The following TWSG1 variants were observed in gnomAD, a reference collection of about 807,000 sequenced individuals.
The protein encoded by TWSG1 is twisted gastrulation BMP signaling modulator 1, also known as twisted gastrulation protein homolog 1.
A neutral mutation model predicts 23.0 loss-of-function variants in TWSG1; 15 were observed. That is an observed-to-expected ratio of 0.65 (90% CI 0.44 to 1.00). TWSG1 has a LOEUF of 1.00. Among genes scored for constraint, TWSG1 ranks in the 50% least tolerant of loss-of-function variants. TWSG1 has a pLI of 0.00. For missense variants in TWSG1, 242 were observed against 278.7 expected, an observed-to-expected ratio of 0.87 and a Z score of 0.94; for synonymous variants, 86 against 92.8, an observed-to-expected ratio of 0.93 and a Z score of 0.42.
intron 2 of TWSG1, among the ~76,000 whole-genome samples, chr18:9,352,526 G>A (rs1423683478): frequency 6.6e-6 from 1 of 152,158 alleles, no homozygotes; most frequent in African/African-American, 2.4e-5. Flanking sequence ...GGAAAATCCA[G>A]GAACACCATT....
intron 1 of TWSG1, among the ~76,000 whole-genome samples, chr18:9,335,866 A>G (rs951238506): frequency 2.0e-5 from 3 of 152,184 alleles, no homozygotes; most frequent in Non-Finnish European, 4.4e-5. Context: ...AAATGCCCCC[A>G]TAAACTCACT....
intron 3 of TWSG1, among the ~76,000 whole-genome samples, chr18:9,377,233 TG>T (rs1181090322): frequency 6.6e-6 from 1 of 151,122 alleles, no homozygotes; most frequent in Non-Finnish European, 1.5e-5. Context: ...TTTTTTTTTT[TG>T]GGGGGACAGA....
intron 2 of TWSG1, among the ~76,000 whole-genome samples, chr18:9,342,719 A>G (rs2040451276): frequency 6.6e-6 from 1 of 152,124 alleles, no homozygotes; most frequent in African/African-American, 2.4e-5. Context: ...ACTTTCCATC[A>G]TTACTTTCCC....
chr18:9,399,205 T>G, intron 4 of TWSG1, 141 bp from the exon 5 acceptor site: 1 of 439,520 alleles, frequency 2.3e-6, no homozygotes, highest in Non-Finnish European at 3.9e-6. Flanking sequence ...TCTTTTTTCC[T>G]GTACCTCATC....
At chr18:9,364,614 C>G (rs189975219) in intron 3 of TWSG1, among the ~76,000 whole-genome samples, 1 of 151,700 alleles carries the variant, frequency 6.6e-6, no homozygotes, top group Admixed American at 6.6e-5. Context: ...GCCAACATGA[C>G]GAAATCCCGT....
intron 3 of TWSG1, among the ~76,000 whole-genome samples, chr18:9,377,457 G>A (rs2040636099): frequency 6.6e-6 from 1 of 152,082 alleles, no homozygotes; most frequent in Non-Finnish European, 1.5e-5. Flanking sequence ...GACCTCAAGT[G>A]ATCTGCCCGC....
intron 3 of TWSG1, among the ~76,000 whole-genome samples, chr18:9,361,869 A>G (rs1507612): frequency 6.5e-4 from 99 of 152,318 alleles, no homozygotes; most frequent in African/African-American, 2.2e-3. Flanking sequence ...TACCCCACAG[A>G]ATAGGCTTGC....
chr18:9,361,385 G>T (rs1377020692), intron 3 of TWSG1, among the ~76,000 whole-genome samples: 1 of 152,078 alleles, frequency 6.6e-6, no homozygotes, highest in Non-Finnish European at 1.5e-5. Flanking sequence ...CATTTTCTCA[G>T]GTGTCTGGTG....
At chr18:9,387,186 T>A (rs1468455802) in intron 3 of TWSG1, among the ~76,000 whole-genome samples, 2 of 152,174 alleles carry the variant, frequency 1.3e-5, no homozygotes, top group Admixed American at 1.3e-4. Context: ...AGCATATCAT[T>A]GAGAAGCAGA....
In TWSG1 at chr18:9,401,423, T is replaced by TTTTTTTTTTTTTTTTTTTTTTTTTTTTG. The variant is rs1429686168; in HGVS notation, c.*1896_*1897insTTTTTTTTTTTTTTTTTTTTTTTTTTTG. The TTTTTTTTTTTTTTTTTTTTTTTTTTTTG allele has an allele frequency of 6.6e-6, 1 of 151,570 alleles. No homozygotes were observed. 9.4% of individuals were successfully genotyped at this position (151,570 alleles called of 1,614,324 possible). A position where few individuals can be genotyped will look rare whatever the true frequency, so the allele number is the denominator to read the frequency against. On this transcript the variant is annotated 3_prime_UTR_variant, in exon 5 of 5. Transcript: ENST00000262120. ...GTTGGCAACATGCCTAATGTTTTCT[T>TTTTTTTTTTTTTTTTTTTTTTTTTTTTG]AATGATGACAACAAATATTTTAAAA...
intron 2 of TWSG1, among the ~76,000 whole-genome samples, chr18:9,340,297 G>A: frequency 6.7e-6 from 1 of 150,050 alleles, no homozygotes; most frequent in South Asian, 2.1e-4. Flanking sequence ...GAACCCAGGA[G>A]GCGGAGCTTG....
At chr18:9,370,007 T>G (rs1282488689) in intron 3 of TWSG1, among the ~76,000 whole-genome samples, 1 of 152,130 alleles carries the variant, frequency 6.6e-6, no homozygotes, top group African/African-American at 2.4e-5. Flanking sequence ...TCCCTGTGCT[T>G]TTGGATTCAT....
intron 3 of TWSG1, among the ~76,000 whole-genome samples, chr18:9,374,955 C>T (rs1237725083): frequency 6.6e-6 from 1 of 152,094 alleles, no homozygotes; most frequent in Non-Finnish European, 1.5e-5. Context: ...ATCACGAGGT[C>T]AGGAGATTGA....
intron 3 of TWSG1, among the ~76,000 whole-genome samples, chr18:9,364,042 T>C (rs2040565692): frequency 6.6e-6 from 1 of 152,244 alleles, no homozygotes; most frequent in African/African-American, 2.4e-5. Flanking sequence ...CAACAAAGAT[T>C]ACTCACTGTA....
chr18:9,386,453 C>CAAA (rs1168896311), intron 3 of TWSG1, among the ~76,000 whole-genome samples: 1 of 67,250 alleles, frequency 1.5e-5, no homozygotes, highest in Admixed American at 1.8e-4. Context: ...GACTCCATCT[C>CAAA]AAAAAAAAAA....
At chr18:9,397,622 C>G (rs2040743008) in intron 4 of TWSG1, among the ~76,000 whole-genome samples, 1 of 152,138 alleles carries the variant, frequency 6.6e-6, no homozygotes, top group South Asian at 2.1e-4. Context: ...GCAATTATTT[C>G]TTAAAACATG....
chr18:9,377,826 C>T (rs1395948054), intron 3 of TWSG1, among the ~76,000 whole-genome samples: 1 of 152,052 alleles, frequency 6.6e-6, no homozygotes, highest in Non-Finnish European at 1.5e-5. Flanking sequence ...CTCAAGCCAT[C>T]TTCCACCTCA....
chr18:9,380,933 T>G (rs753963748), intron 3 of TWSG1, among the ~76,000 whole-genome samples: 9 of 152,252 alleles, frequency 5.9e-5, no homozygotes, highest in Non-Finnish European at 1.2e-4. Flanking sequence ...TCCTTTTGGC[T>G]TCACTGTGTC....
intron 3 of TWSG1, among the ~76,000 whole-genome samples, chr18:9,393,072 T>C (rs1423388958): frequency 2.0e-5 from 3 of 152,210 alleles, no homozygotes; most frequent in Non-Finnish European, 4.4e-5. Context: ...TTTGAAATAT[T>C]GCAAGAATTA....
Sources: gnomAD v4.1 joint callset for allele counts (sites outside exome capture counted in the v4.1 genomes callset) on GRCh38, gnomAD v4.1.1 for gene constraint, MANE v1.5 for transcripts, NCBI Gene and HGNC (gene_info 2026-07-23, HGNC 2026-07-21) for gene names.